Variants in PDE3A observed in about 807,000 individuals in gnomAD.
PDE3A encodes the protein cGMP-inhibited 3',5'-cyclic phosphodiesterase 3A.
Under a neutral mutation model 98.3 loss-of-function variants are expected in PDE3A, and 43 were observed. The observed-to-expected ratio is 0.44, with a 90% CI of 0.34 to 0.56. The LOEUF is 0.56. Ranked by LOEUF, PDE3A falls within the 20% of genes least tolerant of loss-of-function variation. The probability of loss-of-function intolerance (pLI) is 0.01; values close to 1 mark genes in which losing one functional copy is unlikely to be tolerated. For missense variants in PDE3A, 1,427 were observed against 1,440.7 expected (o/e 0.99, Z 0.15); for synonymous variants, 663 against 567.9 (o/e 1.17, Z -2.38).
rs562248862 is a variant in PDE3A at position 20,558,002 on chromosome 12, A to G, written c.1011+1292A>G. ...AAGATAAGTGCAAATAAGAAGGTCC[A>G]TGGTTTCTGATGATTGCCACCAAAA... is the stretch of plus-strand genomic sequence containing the variant. On this transcript the variant is annotated intron_variant, in intron 2 of 15. Coordinates refer to ENST00000359062, the MANE Select transcript of PDE3A (RefSeq NM_000921.5). Among the ~76,000 whole-genome samples, 13 of 152,280 alleles carry G rather than the reference A, an allele frequency of 8.5e-5. No homozygotes were observed. In the East Asian group the frequency reaches 2.5e-3, roughly 29 times the overall value.
intron 2 of PDE3A, among the ~76,000 whole-genome samples, chr12:20,590,487 A>C (rs1269415488): frequency 6.6e-6 from 1 of 150,684 alleles, no homozygotes; most frequent in Non-Finnish European, 1.5e-5. Context: ...CAAGAAACAC[A>C]ACTCAAGCTG....
At chr12:20,505,089 T>C (rs1946092177) in intron 1 of PDE3A, among the ~76,000 whole-genome samples, 1 of 152,126 alleles carries the variant, frequency 6.6e-6, no homozygotes, top group Admixed American at 6.6e-5. Context: ...AGGTTTTAGC[T>C]CAAAGAGAAG....
chr12:20,461,236 G>GAAAAAAAA (rs67508401), intron 1 of PDE3A, among the ~76,000 whole-genome samples: 4 of 98,482 alleles, frequency 4.1e-5, no homozygotes, highest in Middle Eastern at 5.7e-3. Context: ...GTGTTTGTCA[G>GAAAAAAAA]AAAAAAAAAA....
At chr12:20,617,860 G>A (rs1944042683) in intron 4 of PDE3A, among the ~76,000 whole-genome samples, 2 of 152,004 alleles carry the variant, frequency 1.3e-5, no homozygotes, top group African/African-American at 4.8e-5. Context: ...ATGAACTTGA[G>A]GGTTTAAATT....
At position 20,642,598 on chromosome 12, in the gene PDE3A, C is replaced by A. The variant is rs533034039; in HGVS notation, c.2251+2641C>A. Among the ~76,000 whole-genome samples the A allele has an allele frequency of 2.0e-5, 3 of 152,276 alleles. No homozygotes were observed. The East Asian group carries it at 5.8e-4, about 29-fold the overall frequency. ...AAGAGTTTCCTCTCTAAAGCATATT[C>A]TCCCTAACACCTCTCATTCTGATTT... On this transcript the variant is annotated intron_variant, in intron 10 of 15. Transcript: ENST00000359062.
At chr12:20,461,285 G>A (rs1945245975) in intron 1 of PDE3A, among the ~76,000 whole-genome samples, 2 of 148,356 alleles carry the variant, frequency 1.3e-5, no homozygotes, top group South Asian at 2.1e-4. Context: ...GAAAGAGATA[G>A]CATTGTCTTT....
intron 4 of PDE3A, among the ~76,000 whole-genome samples, chr12:20,617,747 A>G (rs1023185257): frequency 6.6e-6 from 1 of 152,122 alleles, no homozygotes; most frequent in Non-Finnish European, 1.5e-5. Context: ...TGACTCTATG[A>G]AAAATCCACT....
chr12:20,518,643 G>A (rs879456340), intron 1 of PDE3A, among the ~76,000 whole-genome samples: 3 of 152,080 alleles, frequency 2.0e-5, no homozygotes, highest in South Asian at 4.1e-4. Flanking sequence ...TTTCAGATCC[G>A]AAGTGTTTGT....
intron 15 of PDE3A, among the ~76,000 whole-genome samples, chr12:20,668,887 G>T (rs1246467897): frequency 6.6e-6 from 1 of 151,506 alleles, no homozygotes; most frequent in African/African-American, 2.4e-5. Flanking sequence ...GGCTTCAGAC[G>T]ATCAAATTAC....
At chr12:20,500,383 T>A (rs1945999599) in intron 1 of PDE3A, among the ~76,000 whole-genome samples, 1 of 152,210 alleles carries the variant, frequency 6.6e-6, no homozygotes, top group Admixed American at 6.5e-5. Context: ...TACATTTTGA[T>A]GCTCAAATAG....
intron 1 of PDE3A, among the ~76,000 whole-genome samples, chr12:20,480,281 T>A (rs955248093): frequency 1.2e-4 from 19 of 152,282 alleles, no homozygotes; most frequent in African/African-American, 4.3e-4. Flanking sequence ...AGGATAAAAC[T>A]CCAAGTCAAA....
chr12:20,443,907 G>T (rs1451159342), intron 1 of PDE3A, among the ~76,000 whole-genome samples: 1 of 152,108 alleles, frequency 6.6e-6, no homozygotes, highest in African/African-American at 2.4e-5. Flanking sequence ...AACTGATTTT[G>T]TTTGTGCTAG....
chr12:20,624,657 A>C (rs754752408), intron 5 of PDE3A, among the ~76,000 whole-genome samples: 15 of 152,314 alleles, frequency 9.8e-5, no homozygotes, highest in Non-Finnish European at 1.8e-4. Flanking sequence ...CTAAAAGTTT[A>C]TAAAATAACC....
intron 1 of PDE3A, among the ~76,000 whole-genome samples, chr12:20,374,895 T>G (rs889930703): frequency 1.3e-5 from 2 of 152,028 alleles, no homozygotes; most frequent in Non-Finnish European, 2.9e-5. Context: ...GTTATTGTTG[T>G]GAGTTATACT....
At position 20,370,970 on chromosome 12, in the gene PDE3A, CAACTA is replaced by C. The variant is rs557875076; in HGVS notation, c.960+729_960+733del. 2.8e-4 allele frequency among the ~76,000 whole-genome samples: 42 copies of C among 152,238 alleles called. 1 individual carries two copies. The highest frequency in any genetic ancestry group is 5.3e-4 in the Non-Finnish European group (36 of 68,018). The stretch of plus-strand genomic sequence containing the variant: ...AAAATTGTCAACTGCGTTTTAGTGT[CAACTA>C]AAAACAAAACAGTTCTCTTTAGTAT... On this transcript the variant is annotated intron_variant, in intron 1 of 15. Coordinates refer to ENST00000359062, the MANE Select transcript of PDE3A (RefSeq NM_000921.5).
At chr12:20,431,554 G>C (rs571757403) in intron 1 of PDE3A, among the ~76,000 whole-genome samples, 1 of 151,754 alleles carries the variant, frequency 6.6e-6, no homozygotes, top group African/African-American at 2.4e-5. Flanking sequence ...TAAGTGTTAG[G>C]AAACTGTGCC....
intron 1 of PDE3A, among the ~76,000 whole-genome samples, chr12:20,382,301 C>T (rs1943677023): frequency 6.6e-6 from 1 of 151,904 alleles, no homozygotes; most frequent in Non-Finnish European, 1.5e-5. Context: ...GAAGTTCTGA[C>T]TTTTGCAATC....
chr12:20,427,559 T>C (rs575458064), intron 1 of PDE3A, among the ~76,000 whole-genome samples: 1 of 152,316 alleles, frequency 6.6e-6, no homozygotes, highest in South Asian at 2.1e-4. Flanking sequence ...AGCCATTCTG[T>C]ATGAATATTA....
At chr12:20,485,222 C>G (rs1945705060) in intron 1 of PDE3A, among the ~76,000 whole-genome samples, 1 of 152,112 alleles carries the variant, frequency 6.6e-6, no homozygotes, top group African/African-American at 2.4e-5. Context: ...GTGCCTCTCT[C>G]CTAGCTTTTG....
Sources: gnomAD v4.1 joint callset for allele counts (sites outside exome capture counted in the v4.1 genomes callset) on GRCh38, gnomAD v4.1.1 for gene constraint, MANE v1.5 for transcripts, NCBI Gene and HGNC (gene_info 2026-07-23, HGNC 2026-07-21) for gene names.